TNFAIP3: variants seen among roughly 807,000 people sequenced by gnomAD.
TNFAIP3 encodes TNF alpha induced protein 3.
A neutral mutation model predicts 72.4 loss-of-function variants in TNFAIP3; 9 were observed. That is an observed-to-expected ratio of 0.12 (90% CI 0.07 to 0.22). The LOEUF is 0.22. Among genes scored for constraint, TNFAIP3 ranks in the 10% least tolerant of loss-of-function variants. TNFAIP3 has a pLI of 1.00. For synonymous variants in TNFAIP3, 339 were observed against 372.6 expected (o/e 0.91, Z 1.04); for missense variants, 833 against 1,018.7 (o/e 0.82, Z 2.48).
Position 137,867,603 on chromosome 6 carries a change from TGCATGTTGGGCAGCGACCCCCGGGCTG to T in TNFAIP3, c.-16+65_-16+91del, listed in dbSNP as rs1341997809. On this transcript the variant is annotated intron_variant, in intron 1 of 8. Coordinates refer to ENST00000612899, the MANE Select transcript of TNFAIP3 (RefSeq NM_001270508.2). The surrounding 1 kb of genome is among the most constrained non-coding windows in gnomAD (Gnocchi z 6.0). ...GCTCACCGCAGTCAAGGGCTGCGGG[TGCATGTTGGGCAGCGACCCCCGGGCTG>T]GCACCGTCTACCTGGCGTTGGTTTT... 1.3e-5 allele frequency: 2 copies of T among 152,282 alleles called. No individual in the cohort carries two copies. The highest frequency in any genetic ancestry group is 2.9e-5 in the Non-Finnish European group (2 of 68,220). The allele number at this position is 152,282 out of a possible 1,614,324, so 9.4% of individuals were successfully genotyped here. A position where few individuals can be genotyped will look rare whatever the true frequency, so the allele number is the denominator to read the frequency against.
At chr6:137,879,785 A>G (rs953843047) in intron 7 of TNFAIP3, among the ~76,000 whole-genome samples, 1 of 152,236 alleles carries the variant, frequency 6.6e-6, no homozygotes, top group Non-Finnish European at 1.5e-5. Context: ...GAAATCTCTC[A>G]TTGGAAAGAA....
intron 4 of TNFAIP3, 74 bp downstream of exon 4, chr6:137,875,909 C>A: frequency 6.2e-7 from 1 of 1,602,560 alleles, no homozygotes; most frequent in Non-Finnish European, 8.5e-7. Context: ...GAGAAAACCA[C>A]ACTGCCAAAG....
intron 8 of TNFAIP3, 46 bp from the exon 9 acceptor site, chr6:137,880,989 A>C (rs1220260279): frequency 6.5e-7 from 1 of 1,541,888 alleles, no homozygotes. Context: ...AAATGTGAGC[A>C]ATAGTTTCCT....
chr6:137,880,896 C>A, intron 8 of TNFAIP3, 139 bp from the exon 9 acceptor site: 2 of 863,778 alleles, frequency 2.3e-6, no homozygotes, highest in Non-Finnish European at 3.5e-6. Flanking sequence ...GACTGCAATG[C>A]TCTCCTGTTC....
rs1776491397 is a variant in TNFAIP3 at position 137,882,349 on chromosome 6, A to G, written c.*1030A>G. On this transcript the variant is annotated 3_prime_UTR_variant, in exon 9 of 9. Transcript: ENST00000612899. Reference sequence around the variant, plus strand: ...AAACTTCAAGATTATTTAAGTGAAGATATTTCTTCAGCTCTGGGGAAAATG... The same window carrying G: ...AAACTTCAAGATTATTTAAGTGAAGGTATTTCTTCAGCTCTGGGGAAAATG... The G allele has an allele frequency of 4.3e-6, 1 of 232,272 alleles. No individual in the cohort carries two copies. 14.4% of individuals were successfully genotyped at this position (232,272 alleles called of 1,614,324 possible).
At chr6:137,876,960 GA>G (rs1737754104) in intron 5 of TNFAIP3, 115 bp from the exon 6 acceptor site, 7 of 836,628 alleles carry the variant, frequency 8.4e-6, no homozygotes, top group Non-Finnish European at 1.2e-5. Flanking sequence ...CTGTGGCTAA[GA>G]ATACTTTTCT....
rs961008678 is a variant in TNFAIP3 at position 137,880,213 on chromosome 6, T to G, written c.2049T>G (p.Asn683Lys). ...AGAAGTGTTTCATTGAAGCTCAGAA[T>G]CAGAGATTTCATGAGGCCAAAAGGA... ...YCQKCFIEAQ[N>K]QRFHEAKRTE... Residue 683 changes from asparagine to lysine, a missense_variant, in exon 8 of 9, where the codon AAT (asparagine) becomes AAG (lysine). Physicochemically the swap from Asn to Lys is moderately conservative, Grantham distance 94. Around this residue, in one of 2 missense-constraint regions of TNFAIP3, gnomAD observed 587 missense variants for 657.8 expected, o/e 0.89. Transcript: ENST00000612899. 1.2e-6 allele frequency: 2 copies of G among 1,614,162 alleles called. No individual in the cohort carries two copies. The highest frequency in any genetic ancestry group is 8.5e-7 in the Non-Finnish European group (1 of 1,180,032).
At chr6:137,879,431 C>T in intron 7 of TNFAIP3, 80 bp downstream of exon 7, 3 of 1,471,842 alleles carry the variant, frequency 2.0e-6, no homozygotes, top group Non-Finnish European at 2.7e-6. Context: ...GAAAAAAAGC[C>T]CATGTAGGCA....
At chr6:137,876,248 CTTAT>C (rs1776243326) in intron 5 of TNFAIP3, 82 bp downstream of exon 5, 1 of 1,150,556 alleles carries the variant, frequency 8.7e-7, no homozygotes, top group Admixed American at 2.2e-5. Flanking sequence ...TTAAAACAGT[CTTAT>C]TTAAGTATAT....
intron 7 of TNFAIP3, 76 bp downstream of exon 7, chr6:137,879,427 A>G: frequency 6.7e-7 from 1 of 1,490,366 alleles, no homozygotes; most frequent in South Asian, 1.3e-5. Context: ...TTAAGAAAAA[A>G]AGCCCATGTA....
At chr6:137,868,301 ATCT>A (rs531773649) in intron 1 of TNFAIP3, 7 of 152,356 alleles carry the variant, frequency 4.6e-5, no homozygotes, top group East Asian at 1.9e-4. Context: ...CTCGCCTCAG[ATCT>A]TCTTGCCTTG....
At position 137,871,663 on chromosome 6, in the gene TNFAIP3, T is replaced by G; in HGVS notation, c.295+141T>G. The G allele has an allele frequency of 4.5e-6, 4 of 897,888 alleles. No homozygotes were observed. Among genetic ancestry groups the G allele is most frequent in the Non-Finnish European group, 6.7e-6 (4 of 600,026 alleles). 55.6% of individuals were successfully genotyped at this position (897,888 alleles called of 1,614,324 possible). On this transcript the variant is annotated intron_variant, in intron 2 of 8. Transcript: ENST00000612899. The surrounding 1 kb of genome is among the most constrained non-coding windows in gnomAD (Gnocchi z 4.2). ...TATTGAGACCTTTATATAGAATCTC[T>G]ATTCGGGGTATGTGATAATAGCAGA...
chr6:137,881,274 C>T lies in TNFAIP3; in HGVS notation c.2328C>T (p.Asn776=), dbSNP rs758260378. 1.0e-5 allele frequency: 16 copies of T among 1,580,452 alleles called. No homozygotes were observed. Among genetic ancestry groups the T allele is most frequent in the South Asian group, 5.7e-5 (5 of 87,474 alleles). ...ATCATTTTGGCAATGCCAAGTGCAA[C>T]GGCTACTGCAACGAATGCTTTCAGT... is the stretch of plus-strand genomic sequence containing the variant. ...ACDHFGNAKC[N]GYCNECFQFK... Residue 776 remains asparagine, a synonymous_variant, in exon 9 of 9, where the codon AAC becomes AAT. Transcript: ENST00000612899. This position sits in a 1 kb window ranked among gnomAD's most constrained non-coding sequence, Gnocchi z 5.0.
Position 137,871,521 on chromosome 6 carries a change from C to T in TNFAIP3, c.294C>T (p.Asn98=), listed in dbSNP as rs146004919. The change falls in exon 2 of 9, where the codon AAC becomes AAT. Residue 98 remains asparagine, a splice_region_variant and synonymous_variant. Coordinates refer to ENST00000612899, the MANE Select transcript of TNFAIP3 (RefSeq NM_001270508.2). The surrounding 1 kb of genome is among the most constrained non-coding windows in gnomAD (Gnocchi z 4.2). ...EVRKLVALKT[N]GDGNCLMHAT... is the part of the protein sequence containing the mutation. ...GGAAGCTTGTGGCGCTGAAAACGAA[C>T]GGTAAGACTTGTTCTGTTGTGTTTC... The T allele has an allele frequency of 1.1e-5, 18 of 1,613,636 alleles. No homozygotes were observed. The highest frequency in any genetic ancestry group is 6.7e-5 in the African/African-American group (5 of 74,856).
At chr6:137,879,446 G>C (rs1030341517) in intron 7 of TNFAIP3, 95 bp downstream of exon 7, 2 of 1,402,660 alleles carry the variant, frequency 1.4e-6, no homozygotes, top group Non-Finnish European at 1.9e-6. Context: ...TAGGCAGTCA[G>C]GCAGAACTGT....
At chr6:137,866,392 G>A (rs992203998), upstream of TNFAIP3, among the ~76,000 whole-genome samples, 1 of 152,144 alleles carries the variant, frequency 6.6e-6, no homozygotes, top group African/African-American at 2.4e-5. Flanking sequence ...TGATTATCAG[G>A]ACAACTAAAA....
rs183714075 is a variant in TNFAIP3 at position 137,880,760 on chromosome 6, A to G, written c.2089-275A>G. On this transcript the variant is annotated intron_variant, in intron 8 of 8. Coordinates refer to ENST00000612899, the MANE Select transcript of TNFAIP3 (RefSeq NM_001270508.2). ...GTAAGAACAGTGGTTTTTGGTCCCA[A>G]CAGAAGAGAGCCAGGGAAAGTTTGC... Among the ~76,000 whole-genome samples, 108 of 152,260 alleles carry G rather than the reference A, an allele frequency of 7.1e-4. 3 individuals carry two copies. The East Asian group carries it at 0.02, about 28-fold the overall frequency.
At position 137,877,103 on chromosome 6, in the gene TNFAIP3, G is replaced by A. The variant is rs1173687713; in HGVS notation, c.833G>A (p.Arg278Lys). The change falls in exon 6 of 9, where the codon AGA (arginine) becomes AAA (lysine). Residue 278 changes from arginine (R) to lysine (K), a missense_variant. Around this residue, in one of 2 missense-constraint regions of TNFAIP3, gnomAD observed 246 missense variants for 360.9 expected, o/e 0.68. Coordinates refer to ENST00000612899, the MANE Select transcript of TNFAIP3 (RefSeq NM_001270508.2). Reference protein sequence around the residue: ...PEIRAVPLVNRDRGRFEDLKV... With the variant: ...PEIRAVPLVNKDRGRFEDLKV... ...ATCCGAGCTGTTCCACTTGTTAACA[G>A]AGACCGGGGAAGATTTGAAGACTTA... 4 of 1,609,868 alleles carry A rather than the reference G, an allele frequency of 2.5e-6. No individual in the cohort carries two copies. The highest frequency in any genetic ancestry group is 3.4e-6 in the Non-Finnish European group (4 of 1,178,264).
rs1199477438 is a variant in TNFAIP3, at chr6:137,867,262, G to C, written c.-296G>C. The C allele has an allele frequency of 6.6e-6, 1 of 152,206 alleles. No homozygotes were observed. The highest frequency in any genetic ancestry group is 1.5e-5 in the Non-Finnish European group (1 of 68,028). 9.4% of individuals were successfully genotyped at this position (152,206 alleles called of 1,614,324 possible). A position where few individuals can be genotyped will look rare whatever the true frequency, so the allele number is the denominator to read the frequency against. On this transcript the variant is annotated 5_prime_UTR_variant, in exon 1 of 9. Transcript: ENST00000612899. This position sits in a 1 kb window ranked among gnomAD's most constrained non-coding sequence, Gnocchi z 6.0. Reference sequence around the variant, plus strand: ...GAAACGGGGCAAAGCAGACTGCGCAGTCTGCAGTCTTCGTGGCGGGCCAAG... The same window carrying C: ...GAAACGGGGCAAAGCAGACTGCGCACTCTGCAGTCTTCGTGGCGGGCCAAG...
Sources: allele counts gnomAD v4.1 joint callset (sites outside exome capture counted in the v4.1 genomes callset), GRCh38; gene constraint gnomAD v4.1.1; regional missense constraint gnomAD v4.1.1; non-coding constraint Gnocchi (gnomAD v3.1); transcripts MANE v1.5; gene names NCBI Gene and HGNC (gene_info 2026-07-23, HGNC 2026-07-21).